Variants in UBR3 observed in about 807,000 individuals in gnomAD.
UBR3 encodes the protein E3 ubiquitin-protein ligase UBR3.
UBR3 carries 85 observed loss-of-function variants against 243.2 expected under a neutral mutation model. That is an observed-to-expected ratio of 0.35 (90% CI 0.29 to 0.42). UBR3 has a LOEUF of 0.42. Ranked by LOEUF, UBR3 falls within the 10% of genes least tolerant of loss-of-function variation. The pLI, the probability that UBR3 is intolerant of heterozygous loss-of-function variation, is 1.00. For missense variants in UBR3, 1,686 were observed against 2,300.8 expected, an observed-to-expected ratio of 0.73 and a Z score of 5.47; for synonymous variants, 748 against 799.8, an observed-to-expected ratio of 0.94 and a Z score of 1.09.
At position 170,079,807 on chromosome 2, in the gene UBR3, G is replaced by A. The variant is rs745533667; in HGVS notation, c.5200-7G>A. On this transcript the variant is annotated splice_polypyrimidine_tract_variant and splice_region_variant and intron_variant, in intron 36 of 38. Coordinates refer to ENST00000272793, the MANE Select transcript of UBR3 (RefSeq NM_172070.4). Reference sequence around the variant, plus strand: ...AAACTAATGAATATTTTTGGATAATGTTTTAGGCCTTGCTTATCCAAGAGT... The same window carrying A: ...AAACTAATGAATATTTTTGGATAATATTTTAGGCCTTGCTTATCCAAGAGT... 2 of 1,609,066 alleles carry A rather than the reference G, an allele frequency of 1.2e-6. No individual in the cohort carries two copies. Among genetic ancestry groups the A allele is most frequent in the East Asian group, 2.2e-5 (1 of 44,800 alleles).
At chr2:169,960,310 T>C (rs1282446439) in intron 24 of UBR3, among the ~76,000 whole-genome samples, 3 of 149,186 alleles carry the variant, frequency 2.0e-5, no homozygotes, top group Non-Finnish European at 4.4e-5. Flanking sequence ...GAAACGTAAA[T>C]GAATTTTGTG....
At chr2:169,828,142 G>C (rs1293726582) in intron 1 of UBR3, 90 bp downstream of exon 1, 182 of 1,309,440 alleles carry the variant, frequency 1.4e-4, no homozygotes, top group Non-Finnish European at 1.7e-4. Context: ...CCCACTCTGA[G>C]CTGTCAAGGG....
chr2:170,033,588 C>A (rs1330933443), intron 31 of UBR3, among the ~76,000 whole-genome samples: 2 of 120,268 alleles, frequency 1.7e-5, no homozygotes, highest in East Asian at 2.9e-4. Flanking sequence ...CCCACCCCCC[C>A]CCCCCCCAAT....
At chr2:169,924,374 AATT>A (rs1354193984) in intron 13 of UBR3, among the ~76,000 whole-genome samples, 23 of 152,164 alleles carry the variant, frequency 1.5e-4, no homozygotes, top group African/African-American at 5.3e-4. Flanking sequence ...TTTTTCCAGG[AATT>A]CTTTTCATGA....
intron 8 of UBR3, among the ~76,000 whole-genome samples, chr2:169,897,533 C>T (rs1270997488): frequency 6.6e-6 from 1 of 152,042 alleles, no homozygotes; most frequent in Non-Finnish European, 1.5e-5. Context: ...GAGTCTTGCT[C>T]TGTACCCCAG....
intron 23 of UBR3, among the ~76,000 whole-genome samples, chr2:169,952,799 CAA>C (rs1158252486): frequency 2.0e-5 from 3 of 151,806 alleles, no homozygotes; most frequent in African/African-American, 7.3e-5. Context: ...AGAACTAACA[CAA>C]AATTTGTTTC....
At chr2:169,854,727 T>C (rs1374840972) in intron 1 of UBR3, among the ~76,000 whole-genome samples, 1 of 152,194 alleles carries the variant, frequency 6.6e-6, no homozygotes, top group Non-Finnish European at 1.5e-5. Flanking sequence ...TATATTACCT[T>C]ATTTCTAATC....
At chr2:169,857,288 TTGTCTCAAAC>T (rs2082920122) in intron 1 of UBR3, among the ~76,000 whole-genome samples, 1 of 152,034 alleles carries the variant, frequency 6.6e-6, no homozygotes, top group Non-Finnish European at 1.5e-5. Flanking sequence ...TTGGCCAGGC[TTGTCTCAAAC>T]TGCTGACCCT....
chr2:169,945,262 T>C (rs1014306869), intron 20 of UBR3, among the ~76,000 whole-genome samples: 2 of 151,854 alleles, frequency 1.3e-5, no homozygotes, highest in South Asian at 4.1e-4. Context: ...CAACTAGGAA[T>C]AGACAGAAAT....
intron 1 of UBR3, among the ~76,000 whole-genome samples, chr2:169,852,353 A>G (rs548047139): frequency 1.3e-5 from 2 of 152,116 alleles, no homozygotes; most frequent in South Asian, 2.1e-4. Context: ...ATGCTTTTGG[A>G]TCCTTTTGGA....
In UBR3 at chr2:169,949,669, T is replaced by G; in HGVS notation, c.3149T>G (p.Ile1050Ser). The G allele has an allele frequency of 1.3e-6, 2 of 1,551,166 alleles. No homozygotes were observed. The highest frequency in any genetic ancestry group is 1.7e-6 in the Non-Finnish European group (2 of 1,146,612). Residue 1050 changes from isoleucine (I) to serine (S), a missense_variant, in exon 23 of 39, where the codon ATC (isoleucine) becomes AGC (serine). By Grantham distance (142) the Ile-to-Ser change is moderately radical. Transcript: ENST00000272793. ...CGTAGAAAGAAATTTCAGGAAATCATCAATCGCAGTAGCAGTGAAGCAAAT... is the reference window on the plus strand; with the variant it reads ...CGTAGAAAGAAATTTCAGGAAATCAGCAATCGCAGTAGCAGTGAAGCAAAT... The part of the protein sequence containing the change: ...AERRKKFQEI[I>S]NRSSSEANQV...
At position 170,058,562 on chromosome 2, in the gene UBR3, T is replaced by C. The variant is rs181729354; in HGVS notation, c.4786-2517T>C. Among the ~76,000 whole-genome samples the C allele has an allele frequency of 2.6e-5, 4 of 151,560 alleles. No homozygotes were observed. The East Asian group carries it at 7.8e-4, about 29-fold the overall frequency. On this transcript the variant is annotated intron_variant, in intron 33 of 38. Transcript: ENST00000272793. ...ACAGGGTCTCACTCTATCGCCCACGTTGGAGTGCAGTGGCATGATCACAGC... is the reference window on the plus strand; with the variant it reads ...ACAGGGTCTCACTCTATCGCCCACGCTGGAGTGCAGTGGCATGATCACAGC...
At position 170,073,620 on chromosome 2, in the gene UBR3, A is replaced by C; in HGVS notation, c.5199+13A>C. The stretch of plus-strand genomic sequence containing the variant: ...AGAACAAGGAAAGGTATGTTAAAAG[A>C]GTTGTACTAGCTTGTCACGGTGGTG... On this transcript the variant is annotated intron_variant, in intron 36 of 38. Coordinates refer to ENST00000272793, the MANE Select transcript of UBR3 (RefSeq NM_172070.4). 1 of 1,612,224 alleles carries C rather than the reference A, an allele frequency of 6.2e-7. No homozygotes were observed. Among genetic ancestry groups the C allele is most frequent in the Non-Finnish European group, 8.5e-7 (1 of 1,179,084 alleles).
chr2:169,887,217 G>C (rs552993955), intron 5 of UBR3, among the ~76,000 whole-genome samples: 40 of 152,330 alleles, frequency 2.6e-4, no homozygotes, highest in African/African-American at 8.7e-4. Flanking sequence ...TTTTGTGCCT[G>C]AAACACATGT....
At chr2:170,079,402 A>G (rs1339909179) in intron 36 of UBR3, among the ~76,000 whole-genome samples, 1 of 152,186 alleles carries the variant, frequency 6.6e-6, no homozygotes, top group Non-Finnish European at 1.5e-5. Flanking sequence ...TCCTAAAGAA[A>G]AAGCTAAAGA....
At chr2:169,881,937 TATAATTACA>T (rs2083870164) in intron 5 of UBR3, among the ~76,000 whole-genome samples, 2 of 120,358 alleles carry the variant, frequency 1.7e-5, no homozygotes, top group East Asian at 2.2e-4. Context: ...ATACATATAA[TATAATTACA>T]TATGTATGTA....
intron 36 of UBR3, among the ~76,000 whole-genome samples, chr2:170,076,453 T>C (rs1003428580): frequency 6.6e-6 from 1 of 152,166 alleles, no homozygotes; most frequent in African/African-American, 2.4e-5. Context: ...ATGTCACATA[T>C]AGTCCTTACA....
rs2083463243 is a variant in UBR3, at chr2:169,872,343, T to C, written c.653T>C (p.Ile218Thr). ...CTTCCAAGATTTATATTTTGTCTTA[T>C]TCAGTACTTAAGAGAAGGCTATAAT... ...FVLPRFIFCLIQYLREGYNEP... is the reference protein window; with the variant it reads ...FVLPRFIFCLTQYLREGYNEP... The change falls in exon 2 of 39, where the codon ATT becomes ACT. Residue 218 changes from isoleucine to threonine, a missense_variant. Physicochemically the swap from Ile to Thr is moderately conservative, Grantham distance 89. Around this residue, in one of 8 missense-constraint regions of UBR3, gnomAD observed 200 missense variants for 231.6 expected, o/e 0.86. Transcript: ENST00000272793. The C allele has an allele frequency of 6.6e-7, 1 of 1,506,686 alleles. No individual in the cohort carries two copies. The highest frequency in any genetic ancestry group is 1.4e-5 in the African/African-American group (1 of 72,166). The allele number at this position is 1,506,686 out of a possible 1,614,324, so 93.3% of individuals were successfully genotyped here.
At chr2:169,840,328 T>C (rs938327054) in intron 1 of UBR3, among the ~76,000 whole-genome samples, 1 of 152,174 alleles carries the variant, frequency 6.6e-6, no homozygotes, top group Non-Finnish European at 1.5e-5. Flanking sequence ...AGAGAAGTTA[T>C]TTCCTTGAAA....
Sources: allele counts gnomAD v4.1 joint callset (sites outside exome capture counted in the v4.1 genomes callset), GRCh38; gene constraint gnomAD v4.1.1; regional missense constraint gnomAD v4.1.1; transcripts MANE v1.5; gene names NCBI Gene and HGNC (gene_info 2026-07-23, HGNC 2026-07-21).